Variants in RBM47 observed in about 807,000 individuals in gnomAD.
The protein encoded by RBM47 is RNA-binding protein 47.
A neutral mutation model predicts 47.1 loss-of-function variants in RBM47; 21 were observed. The observed-to-expected ratio is 0.45, with a 90% CI of 0.32 to 0.64. RBM47 has a LOEUF of 0.64. Ranked by LOEUF, RBM47 falls within the 30% of genes least tolerant of loss-of-function variation. RBM47 has a pLI of 0.05. For missense variants in RBM47, 708 were observed against 870.9 expected (o/e 0.81, Z 2.35); for synonymous variants, 375 against 361.7 (o/e 1.04, Z -0.42).
chr4:40,491,219 T>C (rs1291586656), intron 2 of RBM47, among the ~76,000 whole-genome samples: 2 of 152,324 alleles, frequency 1.3e-5, no homozygotes, highest in African/African-American at 2.4e-5. Context: ...CCAAGACTAT[T>C]TGATGGGAAT....
At chr4:40,620,247 C>T (rs1737142766) in intron 1 of RBM47, among the ~76,000 whole-genome samples, 1 of 146,944 alleles carries the variant, frequency 6.8e-6, no homozygotes, top group South Asian at 2.1e-4. Flanking sequence ...GTGGCTCACA[C>T]CTGTAATCCC....
At chr4:40,622,698 A>C (rs1560511177) in intron 1 of RBM47, among the ~76,000 whole-genome samples, 2 of 152,198 alleles carry the variant, frequency 1.3e-5, no homozygotes, top group Non-Finnish European at 2.9e-5. Flanking sequence ...CCTGGCCAAC[A>C]TGGTGAAACT....
At chr4:40,579,285 G>A (rs1732642680) in intron 1 of RBM47, among the ~76,000 whole-genome samples, 2 of 151,552 alleles carry the variant, frequency 1.3e-5, no homozygotes, top group Admixed American at 1.3e-4. Context: ...AGCTGGGCAT[G>A]GTGGCACGCG....
intron 4 of RBM47, among the ~76,000 whole-genome samples, chr4:40,437,090 A>AAAAAAAAAAAAAAAATATATAT (rs1256296949): frequency 6.0e-4 from 30 of 49,768 alleles, no homozygotes; most frequent in East Asian, 7.8e-4. Flanking sequence ...AAAAAAAAAA[A>AAAAAAAAAAAAAAAATATATAT]ATATATATAT....
At chr4:40,478,174 C>A (rs368310632) in intron 2 of RBM47, among the ~76,000 whole-genome samples, 1 of 151,994 alleles carries the variant, frequency 6.6e-6, no homozygotes, top group Non-Finnish European at 1.5e-5. Flanking sequence ...CGCCACCACG[C>A]CCGGATAATT....
chr4:40,540,405 C>T (rs1412466822), intron 2 of RBM47, among the ~76,000 whole-genome samples: 1 of 151,734 alleles, frequency 6.6e-6, no homozygotes, highest in Non-Finnish European at 1.5e-5. Context: ...TTTGGGAGGC[C>T]GAGGTGGGAG....
At chr4:40,563,139 C>T (rs572175621) in intron 1 of RBM47, among the ~76,000 whole-genome samples, 81 of 152,158 alleles carry the variant, frequency 5.3e-4, no homozygotes, top group Non-Finnish European at 1.0e-3. Context: ...TGCAGTGAGC[C>T]GAGATGGCGC....
chr4:40,630,210 A>G (rs1024941437), upstream of RBM47: 6 of 152,288 alleles, frequency 3.9e-5, no homozygotes, highest in Non-Finnish European at 7.3e-5. Flanking sequence ...CCTTTCAGAC[A>G]CCCAGAAGTG....
At chr4:40,535,342 C>T (rs944324367) in intron 2 of RBM47, among the ~76,000 whole-genome samples, 4 of 147,598 alleles carry the variant, frequency 2.7e-5, no homozygotes, top group Admixed American at 1.4e-4. Flanking sequence ...GTGTTCAGCA[C>T]CTTTTCATAC....
rs1276615248 is a variant in RBM47 at position 40,592,970 on chromosome 4, TATATATATA to T, written c.-240+36417_-240+36425del. Among the ~76,000 whole-genome samples, 31 of 19,610 alleles carry T rather than the reference TATATATATA, an allele frequency of 1.6e-3. 1 individual carries two copies. The highest frequency in any genetic ancestry group is 4.0e-3 in the South Asian group (2 of 504). 12.9% of individuals were successfully genotyped at this position (19,610 alleles called of 152,430 possible). ...ATATATATATATATATATATATATA[TATATATATA>T]TTTTTTTTTTTTTTTTTTTTTTTTT... On this transcript the variant is annotated intron_variant, in intron 1 of 6. Coordinates refer to ENST00000295971, the MANE Select transcript of RBM47 (RefSeq NM_001098634.2).
intron 1 of RBM47, among the ~76,000 whole-genome samples, chr4:40,556,195 CT>C (rs1189370135): frequency 2.0e-5 from 3 of 151,902 alleles, no homozygotes; most frequent in African/African-American, 7.3e-5. Context: ...ACCACCGCGT[CT>C]GGCTTATTTT....
chr4:40,551,649 CTTT>C (rs59601849), intron 1 of RBM47, among the ~76,000 whole-genome samples: 10 of 134,614 alleles, frequency 7.4e-5, no homozygotes, highest in African/African-American at 1.4e-4. Flanking sequence ...GCGTACTTTT[CTTT>C]TTTTTTTTTT....
intron 1 of RBM47, among the ~76,000 whole-genome samples, chr4:40,558,697 G>A (rs898219806): frequency 6.6e-6 from 1 of 151,884 alleles, no homozygotes; most frequent in Admixed American, 6.6e-5. Flanking sequence ...GTGTGGTGGT[G>A]GACACCTGTA....
At chr4:40,539,792 A>C (rs57906409) in intron 2 of RBM47, among the ~76,000 whole-genome samples, 3,966 of 141,422 alleles carry the variant, frequency 0.028, 217 homozygotes, top group African/African-American at 0.095. Context: ...AGTAATTATT[A>C]GGTTATTAGG....
chr4:40,445,017 G>A (rs1714297617), intron 3 of RBM47, among the ~76,000 whole-genome samples: 1 of 150,802 alleles, frequency 6.6e-6, no homozygotes, highest in South Asian at 2.2e-4. Flanking sequence ...GCTCATGCCT[G>A]TAATCCCAGC....
intron 3 of RBM47, among the ~76,000 whole-genome samples, chr4:40,460,958 T>G (rs1352482988): frequency 6.6e-6 from 1 of 150,816 alleles, no homozygotes; most frequent in Non-Finnish European, 1.5e-5. Context: ...GTTTTCCCAG[T>G]CTCTATAATT....
chr4:40,592,947 A>G, intron 1 of RBM47, among the ~76,000 whole-genome samples: 1 of 7,426 alleles, frequency 1.3e-4, no homozygotes, highest in Non-Finnish European at 2.7e-4. Flanking sequence ...ATATATATAT[A>G]TATATATATA....
At chr4:40,452,836 C>A (rs1253983991) in intron 3 of RBM47, among the ~76,000 whole-genome samples, 1 of 135,584 alleles carries the variant, frequency 7.4e-6, no homozygotes, top group Non-Finnish European at 1.5e-5. Context: ...ACTGTGATTT[C>A]CTTCTTTTTT....
At chr4:40,487,205 C>T (rs1721208688) in intron 2 of RBM47, among the ~76,000 whole-genome samples, 1 of 152,164 alleles carries the variant, frequency 6.6e-6, no homozygotes, top group African/African-American at 2.4e-5. Flanking sequence ...CAAAAAAGAC[C>T]CCAAAGGAAT....
Sources: gnomAD v4.1 joint callset for allele counts (sites outside exome capture counted in the v4.1 genomes callset) on GRCh38, gnomAD v4.1.1 for gene constraint, MANE v1.5 for transcripts, NCBI Gene and HGNC (gene_info 2026-07-23, HGNC 2026-07-21) for gene names.